Variants in TIE1 observed in about 807,000 individuals in gnomAD.
TIE1 encodes the protein tyrosine-protein kinase receptor Tie-1.
TIE1 carries 89 observed loss-of-function variants against 130.5 expected under a neutral mutation model. That is an observed-to-expected ratio of 0.68 (90% CI 0.57 to 0.81). TIE1 has a LOEUF of 0.81. Among genes scored for constraint, TIE1 ranks in the 40% least tolerant of loss-of-function variants. The pLI is 0.00. For synonymous variants in TIE1, 568 were observed against 629.4 expected (o/e 0.90, Z 1.46); for missense variants, 1,392 against 1,559.8 (o/e 0.89, Z 1.81).
At chr1:43,314,376 C>T (rs571883870) in intron 14 of TIE1, 412 of 1,134,044 alleles carry the variant, frequency 3.6e-4, no homozygotes, top group Non-Finnish European at 4.4e-4. Flanking sequence ...GGCTTTTGTC[C>T]TTGCAGGCCT....
In TIE1 at chr1:43,317,587, C is replaced by A; in HGVS notation, c.2644C>A (p.Arg882Ser). ...LKEYASENDH[R>S]DFAGELEVLC... ...AGAGTATGCCTCTGAAAATGACCAT[C>A]GTGACTTTGCGGGAGAACTGGAAGT... Residue 882 changes from arginine (R) to serine (S), a missense_variant, in exon 16 of 23, where the codon CGT becomes AGT. Arg to Ser is a moderately radical substitution (Grantham distance 110). Coordinates refer to ENST00000372476, the MANE Select transcript of TIE1 (RefSeq NM_005424.5). The surrounding 1 kb of genome is among the most constrained non-coding windows in gnomAD (Gnocchi z 5.1). 6.2e-7 allele frequency: 1 copy of A among 1,608,750 alleles called. No individual in the cohort carries two copies. The highest frequency in any genetic ancestry group is 8.5e-7 in the Non-Finnish European group (1 of 1,176,364).
At position 43,306,701 on chromosome 1, in the gene TIE1, C is replaced by A; in HGVS notation, c.485-139C>A. 1 of 1,114,288 alleles carries A rather than the reference C, an allele frequency of 9.0e-7. No homozygotes were observed. The highest frequency in any genetic ancestry group is 1.3e-6 in the Non-Finnish European group (1 of 784,484). The allele number at this position is 1,114,288 out of a possible 1,614,324, so 69.0% of individuals were successfully genotyped here. On this transcript the variant is annotated intron_variant, in intron 3 of 22. Coordinates refer to ENST00000372476, the MANE Select transcript of TIE1 (RefSeq NM_005424.5). This position sits in a 1 kb window ranked among gnomAD's most constrained non-coding sequence, Gnocchi z 4.9. ...GCACTTCTGAGCTTTCTGGCGTGGG[C>A]ATAGGCTCTCGTGGTGCCGGCCCTA...
rs537377208 is a variant in TIE1 at position 43,303,151 on chromosome 1, T to C, written c.59-1700T>C. On this transcript the variant is annotated intron_variant, in intron 1 of 22. Coordinates refer to ENST00000372476, the MANE Select transcript of TIE1 (RefSeq NM_005424.5). ...GGCAGCCAATAAACATTCATTATTA[T>C]GACAATGGGAGTAGAGATGACTCCA... is the stretch of plus-strand genomic sequence containing the variant. Among the ~76,000 whole-genome samples the C allele has an allele frequency of 3.3e-5, 5 of 152,312 alleles. No individual in the cohort carries two copies. In the East Asian group the frequency reaches 7.7e-4, roughly 24 times the overall value.
rs376662747 is a variant in TIE1, at chr1:43,313,919, G to A, written c.2360G>A (p.Arg787His). ...LAALLTLVCI[R>H]RSCLHRRRTF... The stretch of plus-strand genomic sequence containing the variant: ...GCCCTTTTAACCCTGGTGTGCATCC[G>A]CAGAAGCTGCCTGCATCGGAGACGC... The change falls in exon 14 of 23, where the codon CGC (arginine) becomes CAC (histidine). Residue 787 changes from arginine to histidine, a missense_variant. By Grantham distance (29) the Arg-to-His change is conservative. This residue lies in a region of TIE1 where 286 missense variants were observed against 354.4 expected (regional missense o/e 0.81). Coordinates refer to ENST00000372476, the MANE Select transcript of TIE1 (RefSeq NM_005424.5). The surrounding 1 kb of genome is among the most constrained non-coding windows in gnomAD (Gnocchi z 6.2). The A allele has an allele frequency of 8.1e-6, 13 of 1,614,012 alleles. No homozygotes were observed. Among genetic ancestry groups the A allele is most frequent in the East Asian group, 2.2e-5 (1 of 44,878 alleles).
At position 43,317,753 on chromosome 1, in the gene TIE1, C is replaced by G; in HGVS notation, c.2731+79C>G. Reference sequence around the variant, plus strand: ...TCACCTCCACCACATGAGTAGCTTGCCAGGGGCTGCTGGTGACCTGTGCAC... The same window carrying G: ...TCACCTCCACCACATGAGTAGCTTGGCAGGGGCTGCTGGTGACCTGTGCAC... On this transcript the variant is annotated intron_variant, in intron 16 of 22. Coordinates refer to ENST00000372476, the MANE Select transcript of TIE1 (RefSeq NM_005424.5). The surrounding 1 kb of genome is among the most constrained non-coding windows in gnomAD (Gnocchi z 5.1). 10 of 1,471,158 alleles carry G rather than the reference C, an allele frequency of 6.8e-6. No homozygotes were observed. The highest frequency in any genetic ancestry group is 8.4e-6 in the Non-Finnish European group (9 of 1,071,654). The allele number at this position is 1,471,158 out of a possible 1,614,324, so 91.1% of individuals were successfully genotyped here.
intron 14 of TIE1, chr1:43,314,424 T>G: frequency 9.2e-7 from 1 of 1,091,436 alleles, no homozygotes; most frequent in Non-Finnish European, 1.1e-6. Flanking sequence ...TGCACACATC[T>G]TTGGCTGATG....
In TIE1 at chr1:43,312,575, C is replaced by T. The variant is rs769675919; in HGVS notation, c.1901C>T (p.Pro634Leu). The T allele has an allele frequency of 8.1e-6, 13 of 1,609,958 alleles. No individual in the cohort carries two copies. The highest frequency in any genetic ancestry group is 1.1e-5 in the South Asian group (1 of 90,592). ...HCTLLGPASPPAHVLLPPSGP... is the reference protein window; with the variant it reads ...HCTLLGPASPLAHVLLPPSGP... ...ACCCTCCTGGGCCCGGCCTCGCCCC[C>T]TGCACACGTGCTTCTGCCCCCCAGT... Residue 634 changes from proline to leucine, a missense_variant, in exon 12 of 23, where the codon CCT becomes CTT. Coordinates refer to ENST00000372476, the MANE Select transcript of TIE1 (RefSeq NM_005424.5). The surrounding 1 kb of genome is among the most constrained non-coding windows in gnomAD (Gnocchi z 5.6).
At chr1:43,305,804 C>A (rs1291076015) in intron 3 of TIE1, among the ~76,000 whole-genome samples, 2 of 152,190 alleles carry the variant, frequency 1.3e-5, no homozygotes, top group Non-Finnish European at 2.9e-5. Context: ...CCTGGGTAGA[C>A]CCGTGGGATC....
In TIE1 at chr1:43,313,124, C is replaced by T. The variant is rs1386300035; in HGVS notation, c.1928-11C>T. ...CTATCTGAGCCTTGCCTTCCCCCAC[C>T]ATCTCCCCAGGGCCTCCAGCCCCCC... On this transcript the variant is annotated splice_polypyrimidine_tract_variant and intron_variant, in intron 12 of 22. Coordinates refer to ENST00000372476, the MANE Select transcript of TIE1 (RefSeq NM_005424.5). The surrounding 1 kb of genome is among the most constrained non-coding windows in gnomAD (Gnocchi z 6.2). The T allele has an allele frequency of 5.6e-6, 9 of 1,592,958 alleles. No individual in the cohort carries two copies. The highest frequency in any genetic ancestry group is 1.3e-5 in the African/African-American group (1 of 74,588).
At chr1:43,311,052 C>A (rs868299187) in intron 9 of TIE1, among the ~76,000 whole-genome samples, 41 of 152,300 alleles carry the variant, frequency 2.7e-4, no homozygotes, top group Middle Eastern at 3.4e-3. Flanking sequence ...GGGGCAGGAA[C>A]AAGAAGGCTG....
intron 1 of TIE1, among the ~76,000 whole-genome samples, chr1:43,301,636 C>T (rs1037766010): frequency 2.0e-5 from 3 of 152,118 alleles, no homozygotes; most frequent in African/African-American, 7.2e-5. Context: ...CTTTGGGAGG[C>T]CGAGCGGGTG....
chr1:43,318,387 T>C lies in TIE1; in HGVS notation c.2922+315T>C, dbSNP rs572874345. Among the ~76,000 whole-genome samples, 8 of 152,038 alleles carry C rather than the reference T, an allele frequency of 5.3e-5. No individual in the cohort carries two copies. Among genetic ancestry groups the C allele is most frequent in the African/African-American group, 1.9e-4 (8 of 41,448 alleles). On this transcript the variant is annotated intron_variant, in intron 17 of 22. Transcript: ENST00000372476. This position sits in a 1 kb window ranked among gnomAD's most constrained non-coding sequence, Gnocchi z 4.4. ...AGATGGTGCCTAATGGCAATGGGCC[T>C]GGTGCGATCTGCCGGAGAGGGGGAA...
Position 43,318,184 on chromosome 1 carries a change from A to T in TIE1, c.2922+112A>T. 7.4e-7 allele frequency: 1 copy of T among 1,347,456 alleles called. No individual in the cohort carries two copies. The highest frequency in any genetic ancestry group is 1.5e-5 in the South Asian group (1 of 67,950). 83.5% of individuals were successfully genotyped at this position (1,347,456 alleles called of 1,614,324 possible). A position where few individuals can be genotyped will look rare whatever the true frequency, so the allele number is the denominator to read the frequency against. ...TCTGGGGATTGAGGTTCCTGGCCCAAGTGTGTGGGTGGGTGCAAGCACAGC... is the reference window on the plus strand; with the variant it reads ...TCTGGGGATTGAGGTTCCTGGCCCATGTGTGTGGGTGGGTGCAAGCACAGC... On this transcript the variant is annotated intron_variant, in intron 17 of 22. Transcript: ENST00000372476. This position sits in a 1 kb window ranked among gnomAD's most constrained non-coding sequence, Gnocchi z 4.4.
At position 43,317,213 on chromosome 1, in the gene TIE1, C is replaced by T. The variant is rs770449514; in HGVS notation, c.2424C>T (p.Ile808=). The change falls in exon 15 of 23, where the codon ATC becomes ATT. Residue 808 remains isoleucine (I), a synonymous_variant. Transcript: ENST00000372476. This position sits in a 1 kb window ranked among gnomAD's most constrained non-coding sequence, Gnocchi z 5.1. The stretch of plus-strand genomic sequence containing the variant: ...ATCCTGTGAAGGGCGAGGAGACCAT[C>T]CTGCAGTTCAGCTCAGGGACCTTGA... The part of the protein sequence containing the change: ...TYQSGSGEET[I]LQFSSGTLTL... 1 of 1,614,104 alleles carries T rather than the reference C, an allele frequency of 6.2e-7. No individual in the cohort carries two copies. Among genetic ancestry groups the T allele is most frequent in the Non-Finnish European group, 8.5e-7 (1 of 1,180,042 alleles).
Position 43,305,059 on chromosome 1 carries a change from G to A in TIE1, c.267G>A (p.Thr89=), listed in dbSNP as rs1325844909. 2 of 1,607,998 alleles carry A rather than the reference G, an allele frequency of 1.2e-6. No homozygotes were observed. Among genetic ancestry groups the A allele is most frequent in the East Asian group, 2.2e-5 (1 of 44,674 alleles). The part of the protein sequence containing the change: ...RLARNGSHQV[T]LRGFSKPSDL... The stretch of plus-strand genomic sequence containing the variant: ...CGCGCAACGGTTCGCACCAGGTCAC[G>A]CTTCGCGGCTTCTCCAAGCCCTCGG... Residue 89 remains threonine, a synonymous_variant, in exon 2 of 23, where the codon ACG becomes ACA. Coordinates refer to ENST00000372476, the MANE Select transcript of TIE1 (RefSeq NM_005424.5).
chr1:43,305,430 T>C, intron 3 of TIE1, 87 bp downstream of exon 3: 1 of 1,319,108 alleles, frequency 7.6e-7, no homozygotes, highest in East Asian at 2.6e-5. Context: ...ACCCTCAGCT[T>C]TGGCCCCTGA....
In TIE1 at chr1:43,321,507, C is replaced by A; in HGVS notation, c.3245+15C>A. On this transcript the variant is annotated intron_variant, in intron 21 of 22. Coordinates refer to ENST00000372476, the MANE Select transcript of TIE1 (RefSeq NM_005424.5). ...GACGATGAAGTGTGAGTCACCCCAT[C>A]CTTGAGCTCCATGATCCTATCTCTG... 6.2e-7 allele frequency: 1 copy of A among 1,604,056 alleles called. No individual in the cohort carries two copies. The highest frequency in any genetic ancestry group is 8.5e-7 in the Non-Finnish European group (1 of 1,174,938).
At chr1:43,305,187 A>G (rs866063330) in intron 2 of TIE1, 22 bp downstream of exon 2, 6 of 1,613,464 alleles carry the variant, frequency 3.7e-6, no homozygotes, top group Non-Finnish European at 5.1e-6. Flanking sequence ...AGGCGGGGGG[A>G]TGGCGCGGGG....
chr1:43,306,833 C>T lies in TIE1; in HGVS notation c.485-7C>T, dbSNP rs200115870. The stretch of plus-strand genomic sequence containing the variant: ...GCTGAGGCCCCTGACACATTCATGT[C>T]CCCCAGGATCCTACTTCTACACCCT... On this transcript the variant is annotated splice_region_variant and splice_polypyrimidine_tract_variant and intron_variant, in intron 3 of 22. Transcript: ENST00000372476. The surrounding 1 kb of genome is among the most constrained non-coding windows in gnomAD (Gnocchi z 4.9). 60 of 1,603,056 alleles carry T rather than the reference C, an allele frequency of 3.7e-5. No individual in the cohort carries two copies. In the East Asian group the frequency reaches 9.2e-4, roughly 24 times the overall value.
Sources: gnomAD v4.1 joint callset for allele counts (sites outside exome capture counted in the v4.1 genomes callset) on GRCh38, gnomAD v4.1.1 for gene constraint, gnomAD v4.1.1 regional missense constraint, Gnocchi (gnomAD v3.1) non-coding constraint, MANE v1.5 for transcripts, NCBI Gene and HGNC (gene_info 2026-07-23, HGNC 2026-07-21) for gene names.